PRR5L: variants seen among roughly 807,000 people sequenced by gnomAD.
The protein encoded by PRR5L is proline-rich protein 5-like.
Under a neutral mutation model 36.4 loss-of-function variants are expected in PRR5L, and 21 were observed. The ratio of observed to expected loss-of-function variants is 0.58; its 90% CI spans 0.41 to 0.83. The LOEUF is 0.83. PRR5L is among the 40% of genes least tolerant of loss of function. The pLI is 0.00. For missense variants in PRR5L, 381 were observed against 473.3 expected, an observed-to-expected ratio of 0.80 and a Z score of 1.81; for synonymous variants, 188 against 197.0, an observed-to-expected ratio of 0.95 and a Z score of 0.38.
At chr11:36,422,251 G>A (rs1256259373) in intron 4 of PRR5L, among the ~76,000 whole-genome samples, 1 of 152,164 alleles carries the variant, frequency 6.6e-6, no homozygotes, top group Non-Finnish European at 1.5e-5. Context: ...AAGGCTTGTA[G>A]AGGCGAGCTT....
At position 36,377,438 on chromosome 11, in the gene PRR5L, G is replaced by T. The variant is rs927942831; in HGVS notation, c.-125-23559G>T. Reference sequence around the variant, plus strand: ...TTTCCTCTGCGCGCTTACTGTGCGCGCATGCCGGGCTCGCTGCACGCAGGG... The same window carrying T: ...TTTCCTCTGCGCGCTTACTGTGCGCTCATGCCGGGCTCGCTGCACGCAGGG... On this transcript the variant is annotated intron_variant, in intron 1 of 8. Transcript: ENST00000530639. The surrounding 1 kb of genome is among the most constrained non-coding windows in gnomAD (Gnocchi z 5.1). 4 of 152,374 alleles carry T rather than the reference G, an allele frequency of 2.6e-5. No homozygotes were observed. The highest frequency in any genetic ancestry group is 9.6e-5 in the African/African-American group (4 of 41,584). The allele number at this position is 152,374 out of a possible 1,614,324, so 9.4% of individuals were successfully genotyped here.
At position 36,390,997 on chromosome 11, in the gene PRR5L, G is replaced by T. The variant is rs4469864; in HGVS notation, c.-125-10000G>T. On this transcript the variant is annotated intron_variant, in intron 1 of 8. Transcript: ENST00000530639. ...TTCCTGTGTTCATGGTCCAGGGAAGGATTTGCACGCTGGGCTTTCTGACTG... is the reference window on the plus strand; with the variant it reads ...TTCCTGTGTTCATGGTCCAGGGAAGTATTTGCACGCTGGGCTTTCTGACTG... 8.4e-3 allele frequency among the ~76,000 whole-genome samples: 1,198 copies of T among 142,344 alleles called. 21 individuals are homozygous for T. The highest frequency in any genetic ancestry group is 0.028 in the African/African-American group (1,079 of 38,014). The allele number at this position is 142,344 out of a possible 152,430, so 93.4% of individuals were successfully genotyped here.
rs78265117 is a variant in PRR5L at position 36,417,788 on chromosome 11, G to C, written c.246-1467G>C. Among the ~76,000 whole-genome samples the C allele has an allele frequency of 6.3e-3, 954 of 152,290 alleles. 9 individuals are homozygous for C. The highest frequency in any genetic ancestry group is 0.022 in the African/African-American group (918 of 41,554). ...CTGTTTATCCTTCAGTGACATGAGT[G>C]AACGTGTTTTGGGGGAGTGAATACT... On this transcript the variant is annotated intron_variant, in intron 3 of 8. Coordinates refer to ENST00000530639, the MANE Select transcript of PRR5L (RefSeq NM_001160167.2).
At chr11:36,302,631 C>A (rs1486177024) in intron 1 of PRR5L, among the ~76,000 whole-genome samples, 1 of 152,052 alleles carries the variant, frequency 6.6e-6, no homozygotes, top group South Asian at 2.1e-4. Flanking sequence ...ACTAAACATA[C>A]AAAAAATTAG....
intron 4 of PRR5L, among the ~76,000 whole-genome samples, chr11:36,419,552 G>A (rs935436932): frequency 2.6e-5 from 4 of 152,140 alleles, no homozygotes; most frequent in African/African-American, 4.8e-5. Context: ...CTCGTAAAAC[G>A]TATTGCTTAT....
intron 1 of PRR5L, among the ~76,000 whole-genome samples, chr11:36,323,835 A>C (rs927188312): frequency 6.6e-6 from 1 of 152,182 alleles, no homozygotes. Context: ...GCAGTGAGCT[A>C]TGATTATGCC....
intron 1 of PRR5L, among the ~76,000 whole-genome samples, chr11:36,394,738 A>T (rs994975006): frequency 2.6e-5 from 4 of 152,176 alleles, no homozygotes; most frequent in African/African-American, 9.7e-5. Flanking sequence ...GATTGCGTTT[A>T]TGGCCCACCT....
chr11:36,461,059 G>A (rs969360029), intron 8 of PRR5L, among the ~76,000 whole-genome samples: 1 of 152,150 alleles, frequency 6.6e-6, no homozygotes, highest in African/African-American at 2.4e-5. Flanking sequence ...TTCCCTTAAG[G>A]TATTTCACCT....
chr11:36,433,706 C>A (rs771932825), intron 5 of PRR5L, among the ~76,000 whole-genome samples: 9 of 152,116 alleles, frequency 5.9e-5, no homozygotes, highest in Non-Finnish European at 1.2e-4. Flanking sequence ...CGTGCCACCA[C>A]GCCCAGCTAA....
chr11:36,368,363 A>C (rs1210563593), intron 1 of PRR5L, among the ~76,000 whole-genome samples: 1 of 152,176 alleles, frequency 6.6e-6, no homozygotes, highest in Admixed American at 6.5e-5. Flanking sequence ...GGCACAAAAA[A>C]ACAAGGAAAA....
At chr11:36,407,259 G>A (rs1023838424) in intron 3 of PRR5L, among the ~76,000 whole-genome samples, 8 of 152,200 alleles carry the variant, frequency 5.3e-5, no homozygotes, top group Middle Eastern at 3.2e-3. Flanking sequence ...GGAGGCTGAG[G>A]CAGGAGGATC....
chr11:36,307,343 G>A (rs967653146), intron 1 of PRR5L, among the ~76,000 whole-genome samples: 1 of 152,170 alleles, frequency 6.6e-6, no homozygotes, highest in African/African-American at 2.4e-5. Flanking sequence ...CTAGGAAGTG[G>A]CAGAGGTAGA....
chr11:36,408,677 G>T (rs1375568199), intron 3 of PRR5L, among the ~76,000 whole-genome samples: 1 of 152,260 alleles, frequency 6.6e-6, no homozygotes. Flanking sequence ...TTAGAGGTTT[G>T]GGTTTCATGA....
chr11:36,408,413 T>G (rs1311518235), intron 3 of PRR5L, among the ~76,000 whole-genome samples: 2 of 151,936 alleles, frequency 1.3e-5, no homozygotes, highest in Non-Finnish European at 2.9e-5. Flanking sequence ...GAAACTGCCT[T>G]AGGCACAGCT....
intron 1 of PRR5L, among the ~76,000 whole-genome samples, chr11:36,303,075 C>T (rs1353040965): frequency 1.3e-5 from 2 of 152,198 alleles, no homozygotes; most frequent in African/African-American, 2.4e-5. Context: ...GCAACACTGC[C>T]TCTTGAGTTT....
intron 1 of PRR5L, among the ~76,000 whole-genome samples, chr11:36,307,069 C>T (rs768600626): frequency 3.3e-5 from 5 of 152,130 alleles, no homozygotes; most frequent in South Asian, 2.1e-4. Flanking sequence ...CTAGAAGAAA[C>T]GGCCAGGGGG....
At chr11:36,370,430 A>G (rs1857185862) in intron 1 of PRR5L, among the ~76,000 whole-genome samples, 1 of 152,008 alleles carries the variant, frequency 6.6e-6, no homozygotes, top group South Asian at 2.1e-4. Flanking sequence ...ATTTGTTTCC[A>G]TGTGTAATGT....
At chr11:36,339,238 C>T (rs1411177264) in intron 1 of PRR5L, among the ~76,000 whole-genome samples, 1 of 152,178 alleles carries the variant, frequency 6.6e-6, no homozygotes, top group East Asian at 1.9e-4. Flanking sequence ...GGATTACAGG[C>T]GCCGGCCACC....
chr11:36,297,219 C>G (rs1246085564), intron 1 of PRR5L, among the ~76,000 whole-genome samples: 2 of 152,200 alleles, frequency 1.3e-5, no homozygotes, highest in Non-Finnish European at 2.9e-5. Flanking sequence ...ACCCGCCCAG[C>G]CCTGCTGGTC....
Sources: allele counts gnomAD v4.1 joint callset (sites outside exome capture counted in the v4.1 genomes callset), GRCh38; gene constraint gnomAD v4.1.1; non-coding constraint Gnocchi (gnomAD v3.1); transcripts MANE v1.5; gene names NCBI Gene and HGNC (gene_info 2026-07-23, HGNC 2026-07-21).